CDK19: variants seen among roughly 807,000 people sequenced by gnomAD.
CDK19 encodes cyclin dependent kinase 19, also known as cyclin-dependent kinase 19.
CDK19 carries 20 observed loss-of-function variants against 68.3 expected under a neutral mutation model. The observed-to-expected ratio is 0.29, with a 90% CI of 0.21 to 0.43. CDK19 has a LOEUF of 0.43. Among genes scored for constraint, CDK19 ranks in the 20% least tolerant of loss-of-function variants. The pLI is 1.00. For missense variants in CDK19, 339 were observed against 623.5 expected (o/e 0.54, Z 4.86); for synonymous variants, 221 against 222.8 (o/e 0.99, Z 0.07).
At chr6:110,706,006 AAAT>A (rs530099277) in intron 2 of CDK19, among the ~76,000 whole-genome samples, 2 of 152,048 alleles carry the variant, frequency 1.3e-5, no homozygotes, top group Non-Finnish European at 2.9e-5. Flanking sequence ...TAAAAAATAA[AAAT>A]AATAATAATA....
At chr6:110,679,260 G>A (rs1296305516) in intron 2 of CDK19, among the ~76,000 whole-genome samples, 1 of 151,952 alleles carries the variant, frequency 6.6e-6, no homozygotes, top group Non-Finnish European at 1.5e-5. Context: ...AGGCTGCAGT[G>A]AGTTATGATC....
intron 1 of CDK19, among the ~76,000 whole-genome samples, chr6:110,796,646 C>T (rs1039903432): frequency 2.6e-5 from 4 of 151,648 alleles, no homozygotes; most frequent in South Asian, 4.2e-4. Flanking sequence ...GAGACCATTT[C>T]AAATAAATAA....
intron 1 of CDK19, among the ~76,000 whole-genome samples, chr6:110,775,593 T>C (rs1428843069): frequency 6.6e-6 from 1 of 152,124 alleles, no homozygotes; most frequent in Non-Finnish European, 1.5e-5. Context: ...TCAGAAAACA[T>C]TCATGTAAAA....
chr6:110,755,934 T>G (rs189037843), intron 1 of CDK19, among the ~76,000 whole-genome samples: 2 of 152,112 alleles, frequency 1.3e-5, no homozygotes, highest in Admixed American at 1.3e-4. Context: ...ATGGAGGGAA[T>G]GGACTCAAGA....
At chr6:110,801,685 G>C (rs902984549) in intron 1 of CDK19, among the ~76,000 whole-genome samples, 7 of 152,064 alleles carry the variant, frequency 4.6e-5, no homozygotes, top group Admixed American at 2.0e-4. Context: ...CTAATTTTTT[G>C]TATTTTTAGT....
At chr6:110,710,737 T>C (rs773936205) in intron 2 of CDK19, among the ~76,000 whole-genome samples, 10 of 152,180 alleles carry the variant, frequency 6.6e-5, no homozygotes, top group Non-Finnish European at 1.3e-4. Context: ...GAAGCTGTAG[T>C]GACTTAATCA....
intron 2 of CDK19, among the ~76,000 whole-genome samples, chr6:110,702,750 ATATC>A (rs1310495086): frequency 6.6e-5 from 10 of 152,158 alleles, no homozygotes; most frequent in African/African-American, 2.4e-4. Context: ...AAGAATATAT[ATATC>A]TATCTCTTTG....
chr6:110,743,434 G>T (rs561734652), intron 2 of CDK19, among the ~76,000 whole-genome samples: 164 of 152,216 alleles, frequency 1.1e-3, no homozygotes, highest in Non-Finnish European at 2.1e-3. Context: ...TTGAGGTCAG[G>T]TGTTCAAGAC....
chr6:110,755,382 C>CAATCT (rs1583028805), intron 1 of CDK19, among the ~76,000 whole-genome samples: 1 of 152,044 alleles, frequency 6.6e-6, no homozygotes, highest in East Asian at 1.9e-4. Context: ...GCAAAGGGTA[C>CAATCT]AATCTAATAA....
At chr6:110,706,126 T>C (rs6933654) in intron 2 of CDK19, among the ~76,000 whole-genome samples, 141,749 of 152,074 alleles carry the variant, frequency 0.93, 66,919 homozygotes, top group Middle Eastern at 1. Flanking sequence ...GATCTCTGCT[T>C]ACTGCAGCCT....
At chr6:110,616,493 C>T (rs1262298695) in intron 12 of CDK19, among the ~76,000 whole-genome samples, 2 of 151,988 alleles carry the variant, frequency 1.3e-5, no homozygotes, top group Non-Finnish European at 2.9e-5. Flanking sequence ...CATGGTGAAA[C>T]CCCATCTCTA....
chr6:110,776,786 CAA>C (rs1234848476), intron 1 of CDK19, among the ~76,000 whole-genome samples: 2 of 152,050 alleles, frequency 1.3e-5, no homozygotes, highest in Admixed American at 6.6e-5. Context: ...TCCTGAAAAC[CAA>C]AGAGATAAAT....
intron 2 of CDK19, chr6:110,700,938 G>C (rs1773936944): frequency 6.6e-6 from 1 of 152,654 alleles, no homozygotes; most frequent in Admixed American, 6.5e-5. Context: ...CGGGCGCGGT[G>C]GCTCATGCCT....
chr6:110,744,117 C>T (rs1221573378), intron 2 of CDK19, among the ~76,000 whole-genome samples: 1 of 150,124 alleles, frequency 6.7e-6, no homozygotes, highest in African/African-American at 2.5e-5. Context: ...AGCAATTCTC[C>T]TGTCTCAGCC....
intron 2 of CDK19, among the ~76,000 whole-genome samples, chr6:110,681,734 TA>T (rs1245229251): frequency 6.6e-6 from 1 of 152,238 alleles, no homozygotes; most frequent in Admixed American, 6.5e-5. Flanking sequence ...TAATCATACT[TA>T]AACAGCAATT....
chr6:110,669,776 T>C (rs1199711184), intron 3 of CDK19, among the ~76,000 whole-genome samples: 3 of 152,378 alleles, frequency 2.0e-5, no homozygotes, highest in South Asian at 2.1e-4. Flanking sequence ...AATTAGAATT[T>C]TTTGCTTCTT....
intron 6 of CDK19, among the ~76,000 whole-genome samples, chr6:110,630,295 A>G (rs1388385343): frequency 6.6e-6 from 1 of 152,220 alleles, no homozygotes; most frequent in East Asian, 1.9e-4. Context: ...ATGGATTTCT[A>G]TGGAGATTGC....
At chr6:110,805,973 CAAA>C (rs34834440) in intron 1 of CDK19, among the ~76,000 whole-genome samples, 7 of 95,394 alleles carry the variant, frequency 7.3e-5, no homozygotes, top group Admixed American at 1.1e-4. Context: ...TAACACTTCT[CAAA>C]AAAAAAAAAA....
intron 2 of CDK19, among the ~76,000 whole-genome samples, chr6:110,684,858 G>A (rs1032092604): frequency 2.6e-5 from 4 of 152,174 alleles, no homozygotes; most frequent in African/African-American, 9.7e-5. Flanking sequence ...CTTATCATCA[G>A]CCAGGCACAG....
Sources: gnomAD v4.1 joint callset for allele counts (sites outside exome capture counted in the v4.1 genomes callset) on GRCh38, gnomAD v4.1.1 for gene constraint, MANE v1.5 for transcripts, NCBI Gene and HGNC (gene_info 2026-07-23, HGNC 2026-07-21) for gene names.